The following NKAIN2 variants were observed in gnomAD, a reference collection of about 807,000 sequenced individuals.
The protein encoded by NKAIN2 is sodium/potassium transporting ATPase interacting 2.
In NKAIN2, 14 loss-of-function variants were observed where a neutral mutation model predicts 32.6. That is an observed-to-expected ratio of 0.43 (90% confidence interval 0.28 to 0.67). The LOEUF (loss-of-function observed/expected upper bound fraction) is 0.67, where lower values mean the gene tolerates loss of function less well. Ranked by LOEUF, NKAIN2 falls within the 30% of genes least tolerant of loss-of-function variation. The pLI, the probability that NKAIN2 is intolerant of heterozygous loss-of-function variation, is 0.17. For missense variants in NKAIN2, 198 were observed against 258.3 expected (o/e 0.77, Z 1.60); for synonymous variants, 80 against 87.2 (o/e 0.92, Z 0.46).
intron 3 of NKAIN2, among the ~76,000 whole-genome samples, chr6:124,415,435 A>T (rs1258252947): frequency 6.6e-6 from 1 of 152,198 alleles, no homozygotes; most frequent in African/African-American, 2.4e-5. Context: ...TGGAGCTTCC[A>T]AGCCATCCTG....
intron 1 of NKAIN2, among the ~76,000 whole-genome samples, chr6:124,080,115 G>A (rs1010612135): frequency 2.0e-5 from 3 of 152,094 alleles, no homozygotes; most frequent in Admixed American, 6.6e-5. Context: ...AACAGGTCTC[G>A]CTCAGCAGCC....
chr6:124,229,529 T>TAGACAGACAGACAGAC (rs1248259393), intron 1 of NKAIN2, among the ~76,000 whole-genome samples: 1 of 146,960 alleles, frequency 6.8e-6, no homozygotes, highest in African/African-American at 2.7e-5. Context: ...GATAGATAGA[T>TAGACAGACAGACAGAC]AGATAGACAG....
chr6:123,928,203 G>A (rs952168098), intron 1 of NKAIN2, among the ~76,000 whole-genome samples: 1 of 152,228 alleles, frequency 6.6e-6, no homozygotes, highest in Non-Finnish European at 1.5e-5. Context: ...TAAACATTGA[G>A]TACTCATGGA....
At chr6:124,777,141 A>G (rs2114774016) in intron 4 of NKAIN2, among the ~76,000 whole-genome samples, 1 of 152,322 alleles carries the variant, frequency 6.6e-6, no homozygotes, top group Non-Finnish European at 1.5e-5. Flanking sequence ...TTTTTAATAA[A>G]TAATATTAAA....
At chr6:124,762,768 A>G (rs916531718) in intron 4 of NKAIN2, among the ~76,000 whole-genome samples, 9 of 152,214 alleles carry the variant, frequency 5.9e-5, no homozygotes, top group African/African-American at 9.6e-5. Flanking sequence ...CTCATTAAAG[A>G]ATAGAGAATT....
At position 123,964,972 on chromosome 6, in the gene NKAIN2, A is replaced by G. The variant is rs1218090703; in HGVS notation, c.54+160718A>G. Among the ~76,000 whole-genome samples the G allele has an allele frequency of 6.6e-6, 1 of 152,152 alleles. No individual in the cohort carries two copies. The highest frequency in any genetic ancestry group is 6.6e-5 in the Admixed American group (1 of 15,260). ...CCTTGCTTAAATTGATTGCCCAGGT[A>G]AACATTTTTCCTGGATTTTATTATT... On this transcript the variant is annotated intron_variant, in intron 1 of 6. Coordinates refer to ENST00000368417, the MANE Select transcript of NKAIN2 (RefSeq NM_001040214.3). The surrounding 1 kb of genome is among the most constrained non-coding windows in gnomAD (Gnocchi z 4.0).
chr6:124,491,289 T>C (rs1777854936), intron 3 of NKAIN2, among the ~76,000 whole-genome samples: 1 of 151,950 alleles, frequency 6.6e-6, no homozygotes, highest in Non-Finnish European at 1.5e-5. Flanking sequence ...CTCCGAGAGC[T>C]TGAGCTCTGC....
intron 1 of NKAIN2, among the ~76,000 whole-genome samples, chr6:124,141,349 T>A (rs1787129397): frequency 1.3e-5 from 2 of 152,298 alleles, no homozygotes; most frequent in Admixed American, 6.5e-5. Flanking sequence ...AAACAAACAA[T>A]AGTTATAAAA....
intron 4 of NKAIN2, among the ~76,000 whole-genome samples, chr6:124,755,840 C>T (rs1777942963): frequency 6.6e-6 from 1 of 152,192 alleles, no homozygotes; most frequent in African/African-American, 2.4e-5. Context: ...TGTAACAAAC[C>T]TGCATATGTA....
chr6:124,680,758 C>T (rs1773580522), intron 4 of NKAIN2, among the ~76,000 whole-genome samples: 1 of 151,838 alleles, frequency 6.6e-6, no homozygotes, highest in Non-Finnish European at 1.5e-5. Context: ...ATTACTTGAC[C>T]ACTGCAGATA....
chr6:123,869,562 C>G (rs572278390), intron 1 of NKAIN2, among the ~76,000 whole-genome samples: 1 of 152,304 alleles, frequency 6.6e-6, no homozygotes, highest in East Asian at 1.9e-4. Context: ...GGCAACTGAA[C>G]AAATTGCATA....
At chr6:124,339,720 ATATT>A (rs1225250872) in intron 2 of NKAIN2, among the ~76,000 whole-genome samples, 2 of 152,058 alleles carry the variant, frequency 1.3e-5, no homozygotes, top group African/African-American at 4.8e-5. Context: ...GACTTTTTGG[ATATT>A]TATTTATTTT....
chr6:124,686,760 T>C (rs773676051), intron 4 of NKAIN2, among the ~76,000 whole-genome samples: 2 of 152,172 alleles, frequency 1.3e-5, no homozygotes, highest in African/African-American at 2.4e-5. Context: ...CCTGTGATGG[T>C]TAATACTGAG....
In NKAIN2 at chr6:123,875,853, T is replaced by C. The variant is rs554527032; in HGVS notation, c.54+71599T>C. Among the ~76,000 whole-genome samples, 11 of 152,226 alleles carry C rather than the reference T, an allele frequency of 7.2e-5. No homozygotes were observed. In the East Asian group the frequency reaches 1.9e-3, roughly 27 times the overall value. ...AACTTCCCTACCTTCATTTGTTGAC[T>C]AATTTGATCCTTTGTGAAATTTCCT... On this transcript the variant is annotated intron_variant, in intron 1 of 6. Coordinates refer to ENST00000368417, the MANE Select transcript of NKAIN2 (RefSeq NM_001040214.3).
intron 1 of NKAIN2, among the ~76,000 whole-genome samples, chr6:123,828,163 T>C (rs1232200577): frequency 6.6e-6 from 1 of 152,140 alleles, no homozygotes; most frequent in East Asian, 1.9e-4. Context: ...TGCACTCACA[T>C]AGTCCTTAGG....
chr6:124,370,725 G>T lies in NKAIN2; in HGVS notation c.273+15378G>T, dbSNP rs540445639. On this transcript the variant is annotated intron_variant, in intron 3 of 6. Transcript: ENST00000368417. ...CTCAAATCTTTTATTTAAATTATAA[G>T]TGAGAATGAGTTTGGTGCCCTCAAT... 3.3e-5 allele frequency among the ~76,000 whole-genome samples: 5 copies of T among 152,184 alleles called. No individual in the cohort carries two copies. The South Asian group carries it at 1.0e-3, about 32-fold the overall frequency.
At chr6:124,333,873 A>T (rs1797763764) in intron 2 of NKAIN2, among the ~76,000 whole-genome samples, 1 of 152,164 alleles carries the variant, frequency 6.6e-6, no homozygotes, top group Non-Finnish European at 1.5e-5. Flanking sequence ...ATTTTATTGG[A>T]TACTATGACC....
At chr6:124,708,555 C>T (rs981404736) in intron 4 of NKAIN2, among the ~76,000 whole-genome samples, 5 of 151,980 alleles carry the variant, frequency 3.3e-5, no homozygotes, top group African/African-American at 1.2e-4. Flanking sequence ...AGAGGTCCTT[C>T]ACATCCCTTG....
chr6:124,302,701 T>C (rs1796337746), intron 2 of NKAIN2, among the ~76,000 whole-genome samples: 2 of 152,170 alleles, frequency 1.3e-5, no homozygotes, highest in Non-Finnish European at 2.9e-5. Context: ...ATATAAAATA[T>C]TATCTTCAAA....
Sources: gnomAD v4.1 joint callset for allele counts (sites outside exome capture counted in the v4.1 genomes callset) on GRCh38, gnomAD v4.1.1 for gene constraint, Gnocchi (gnomAD v3.1) non-coding constraint, MANE v1.5 for transcripts, NCBI Gene and HGNC (gene_info 2026-07-23, HGNC 2026-07-21) for gene names.